Variants in KIAA1217 observed in about 807,000 individuals in gnomAD.
The protein encoded by KIAA1217 is sickle tail protein homolog.
A neutral mutation model predicts 163.9 loss-of-function variants in KIAA1217; 88 were observed. The ratio of observed to expected loss-of-function variants is 0.54; its 90% CI spans 0.45 to 0.64. KIAA1217 has a LOEUF of 0.64. Among genes scored for constraint, KIAA1217 ranks in the 30% least tolerant of loss-of-function variants. KIAA1217 has a pLI of 0.00. For synonymous variants in KIAA1217, 903 were observed against 923.1 expected (o/e 0.98, Z 0.39); for missense variants, 2,372 against 2,475.0 (o/e 0.96, Z 0.88).
intron 1 of KIAA1217, among the ~76,000 whole-genome samples, chr10:23,714,660 T>C (rs893829446): frequency 6.6e-6 from 1 of 152,158 alleles, no homozygotes; most frequent in Non-Finnish European, 1.5e-5. Flanking sequence ...TCTCCCTTTG[T>C]GACTGTTCCA....
intron 2 of KIAA1217, 111 bp from the exon 3 acceptor site, chr10:24,380,758 G>A: frequency 1.3e-6 from 1 of 780,848 alleles, no homozygotes; most frequent in Non-Finnish European, 1.9e-6. Flanking sequence ...GTGATGGACT[G>A]TTACCCCTTG....
intron 2 of KIAA1217, among the ~76,000 whole-genome samples, chr10:24,066,411 T>C (rs928807934): frequency 6.6e-6 from 1 of 152,188 alleles, no homozygotes; most frequent in African/African-American, 2.4e-5. Flanking sequence ...AAGCTTAGTT[T>C]GGCTGGATAT....
At chr10:23,815,398 A>C (rs889866431) in intron 1 of KIAA1217, among the ~76,000 whole-genome samples, 2 of 152,178 alleles carry the variant, frequency 1.3e-5, no homozygotes, top group African/African-American at 4.8e-5. Flanking sequence ...TAATCCCAGC[A>C]CTTTGGGAGG....
At chr10:23,978,685 T>TAA (rs970307856) in intron 1 of KIAA1217, among the ~76,000 whole-genome samples, 1 of 152,184 alleles carries the variant, frequency 6.6e-6, no homozygotes, top group African/African-American at 2.4e-5. Context: ...TTTATATATA[T>TAA]AATGTACATG....
At chr10:24,100,263 C>G (rs1332872628) in intron 2 of KIAA1217, among the ~76,000 whole-genome samples, 1 of 152,010 alleles carries the variant, frequency 6.6e-6, no homozygotes, top group Non-Finnish European at 1.5e-5. Flanking sequence ...CTGAGCCCAG[C>G]AGGTTGCACA....
At chr10:23,852,032 G>C (rs928978739) in intron 1 of KIAA1217, among the ~76,000 whole-genome samples, 4 of 152,038 alleles carry the variant, frequency 2.6e-5, no homozygotes, top group African/African-American at 9.7e-5. Flanking sequence ...GATCCCATTT[G>C]TCAATTTTGG....
intron 2 of KIAA1217, among the ~76,000 whole-genome samples, chr10:24,291,611 T>G (rs1334397474): frequency 6.6e-6 from 1 of 152,200 alleles, no homozygotes; most frequent in East Asian, 1.9e-4. Flanking sequence ...TGTAAGGCAG[T>G]CTGTGGGGAC....
At chr10:24,365,540 G>A (rs2050664709) in intron 2 of KIAA1217, among the ~76,000 whole-genome samples, 1 of 152,118 alleles carries the variant, frequency 6.6e-6, no homozygotes, top group Non-Finnish European at 1.5e-5. Context: ...GATGAAGCCT[G>A]TAAACTTCAG....
At chr10:24,376,767 A>G (rs1011764064) in intron 2 of KIAA1217, among the ~76,000 whole-genome samples, 2 of 152,188 alleles carry the variant, frequency 1.3e-5, no homozygotes, top group Admixed American at 1.3e-4. Context: ...GACTGAATGA[A>G]TGAATGAATG....
chr10:24,167,183 G>C lies in KIAA1217; in HGVS notation c.-170-52443G>C, dbSNP rs760775163. Among the ~76,000 whole-genome samples, 7 of 81,194 alleles carry C rather than the reference G, an allele frequency of 8.6e-5. 1 individual carries two copies. Among genetic ancestry groups the C allele is most frequent in the African/African-American group, 3.3e-4 (7 of 21,208 alleles). The allele number at this position is 81,194 out of a possible 152,430, so 53.3% of individuals were successfully genotyped here. A position where few individuals can be genotyped will look rare whatever the true frequency, so the allele number is the denominator to read the frequency against. The stretch of plus-strand genomic sequence containing the variant: ...TTGGACTTCTCTAGTCTTTGTTTTA[G>C]GTTCTCTCCTTTTCAAATTCCTTTC... On this transcript the variant is annotated intron_variant, in intron 2 of 18. Coordinates refer to the KIAA1217 transcript ENST00000376462.
At chr10:24,114,102 C>G (rs143852470) in intron 2 of KIAA1217, among the ~76,000 whole-genome samples, 33 of 152,248 alleles carry the variant, frequency 2.2e-4, no homozygotes, top group Middle Eastern at 3.4e-3. Flanking sequence ...CTCTTCCTCA[C>G]TTGAGTCAGC....
chr10:24,418,055 TCCTGCCTCAG>T (rs2058412753), intron 3 of KIAA1217, among the ~76,000 whole-genome samples: 2 of 151,890 alleles, frequency 1.3e-5, no homozygotes, highest in African/African-American at 4.8e-5. Context: ...TCCCGGGTCC[TCCTGCCTCAG>T]CCTCCGTAGT....
intron 6 of KIAA1217, among the ~76,000 whole-genome samples, chr10:24,489,170 G>C (rs1395553716): frequency 6.6e-6 from 1 of 152,086 alleles, no homozygotes; most frequent in Admixed American, 6.6e-5. Flanking sequence ...GACTACAGTG[G>C]GTTGAGGCTG....
chr10:23,807,206 A>G (rs990198630), intron 1 of KIAA1217, among the ~76,000 whole-genome samples: 5 of 152,200 alleles, frequency 3.3e-5, no homozygotes, highest in African/African-American at 1.2e-4. Flanking sequence ...GGCCTTTCGA[A>G]TGGACATTTT....
chr10:24,498,138 G>A (rs1490272213), intron 8 of KIAA1217, among the ~76,000 whole-genome samples: 3 of 152,160 alleles, frequency 2.0e-5, no homozygotes, highest in Non-Finnish European at 4.4e-5. Flanking sequence ...TGACGAGGGT[G>A]CGGGAGACCT....
intron 3 of KIAA1217, among the ~76,000 whole-genome samples, chr10:24,405,663 T>C (rs1052688491): frequency 1.3e-5 from 2 of 152,244 alleles, no homozygotes; most frequent in Admixed American, 1.3e-4. Context: ...GCATCTGCCC[T>C]GTGTCTGGAA....
intron 2 of KIAA1217, among the ~76,000 whole-genome samples, chr10:24,225,047 G>T (rs570091555): frequency 1.6e-4 from 24 of 151,956 alleles, no homozygotes; most frequent in Non-Finnish European, 3.1e-4. Flanking sequence ...GGATGGTCTC[G>T]ATCTCCTGAC....
At chr10:24,120,247 G>A (rs888118423) in intron 2 of KIAA1217, among the ~76,000 whole-genome samples, 1 of 152,050 alleles carries the variant, frequency 6.6e-6, no homozygotes, top group Non-Finnish European at 1.5e-5. Context: ...GTAGTCCAAG[G>A]GTAAAGTCCC....
At chr10:24,095,210 G>A (rs571944083) in intron 2 of KIAA1217, among the ~76,000 whole-genome samples, 2 of 152,312 alleles carry the variant, frequency 1.3e-5, no homozygotes, top group South Asian at 2.1e-4. Flanking sequence ...GCCTCGCCCT[G>A]CTTCTGCTCG....
Sources: allele counts gnomAD v4.1 joint callset (sites outside exome capture counted in the v4.1 genomes callset), GRCh38; gene constraint gnomAD v4.1.1; transcripts MANE v1.5; gene names NCBI Gene and HGNC (gene_info 2026-07-23, HGNC 2026-07-21).